Variants in DISC1 observed in about 807,000 individuals in gnomAD.
DISC1 encodes DISC1 scaffold protein, also known as disrupted in schizophrenia 1 protein.
In DISC1, 57 loss-of-function variants were observed where a neutral mutation model predicts 84.5. The ratio of observed to expected loss-of-function variants is 0.67; its 90% CI spans 0.55 to 0.84. The LOEUF (loss-of-function observed/expected upper bound fraction) is 0.84, where lower values mean the gene tolerates loss of function less well. Ranked by LOEUF, DISC1 falls within the 40% of genes least tolerant of loss-of-function variation. The probability of loss-of-function intolerance (pLI) is 0.00; values close to 1 mark genes in which losing one functional copy is unlikely to be tolerated. For synonymous variants in DISC1, 411 were observed against 415.2 expected, an observed-to-expected ratio of 0.99 and a Z score of 0.12; for missense variants, 1,000 against 1,057.8, an observed-to-expected ratio of 0.95 and a Z score of 0.76.
At chr1:231,731,631 A>T (rs1383418947) in intron 3 of DISC1, among the ~76,000 whole-genome samples, 1 of 152,220 alleles carries the variant, frequency 6.6e-6, no homozygotes, top group Non-Finnish European at 1.5e-5. Flanking sequence ...TATCAAGGTT[A>T]TGTTAATTTT....
In DISC1 at chr1:231,694,040, G is replaced by C; in HGVS notation, c.282G>C (p.Leu94Phe). The stretch of plus-strand genomic sequence containing the variant: ...GTGGCCTTGACTCGAGAGGCCTCTT[G>C]GTCCGGAGCCCTGTTTCCAAGAGTG... ...RQCGLDSRGLLVRSPVSKSAA... is the reference protein window; with the variant it reads ...RQCGLDSRGLFVRSPVSKSAA... The change falls in exon 2 of 13, where the codon TTG becomes TTC. Residue 94 changes from leucine (L) to phenylalanine (F), a missense_variant. Leu to Phe is a conservative substitution (Grantham distance 22). Around this residue, in one of 3 missense-constraint regions of DISC1, gnomAD observed 292 missense variants for 280.2 expected, o/e 1.04. Coordinates refer to ENST00000439617, the MANE Select transcript of DISC1 (RefSeq NM_018662.3). 1 of 1,614,186 alleles carries C rather than the reference G, an allele frequency of 6.2e-7. No homozygotes were observed. Among genetic ancestry groups the C allele is most frequent in the Non-Finnish European group, 8.5e-7 (1 of 1,180,030 alleles).
Position 231,694,444 on chromosome 1 carries a change from G to A in DISC1, c.686G>A (p.Cys229Tyr), listed in dbSNP as rs1163357667. Residue 229 changes from cysteine (C) to tyrosine (Y), a missense_variant, in exon 2 of 13, where the codon TGC (cysteine) becomes TAC (tyrosine). By Grantham distance (194) the Cys-to-Tyr change is radical (BLOSUM62 -2). This residue lies in a region of DISC1 where 311 missense variants were observed against 400.1 expected (regional missense o/e 0.78). Coordinates refer to ENST00000439617, the MANE Select transcript of DISC1 (RefSeq NM_018662.3). ...SAGERGEAEG[C>Y]PPSREAESHC... ...GGGGAACGTGGAGAAGCAGAAGGCT[G>A]CCCACCATCCAGAGAGGCTGAGTCC... is the stretch of plus-strand genomic sequence containing the variant. 1 of 1,614,140 alleles carries A rather than the reference G, an allele frequency of 6.2e-7. No individual in the cohort carries two copies. Among genetic ancestry groups the A allele is most frequent in the Non-Finnish European group, 8.5e-7 (1 of 1,180,054 alleles).
intron 4 of DISC1, among the ~76,000 whole-genome samples, chr1:231,760,932 G>A (rs929880892): frequency 1.3e-5 from 2 of 152,188 alleles, no homozygotes; most frequent in Non-Finnish European, 2.9e-5. Context: ...ACACCTAGAC[G>A]ATTTCTTCAT....
At chr1:231,635,279 A>G (rs963429802) in intron 1 of DISC1, among the ~76,000 whole-genome samples, 6 of 151,842 alleles carry the variant, frequency 4.0e-5, no homozygotes, top group African/African-American at 1.5e-4. Context: ...CAAGCTTTCC[A>G]TACACTGGCC....
intron 10 of DISC1, among the ~76,000 whole-genome samples, chr1:231,996,151 G>A (rs2102941171): frequency 1.3e-5 from 2 of 152,294 alleles, no homozygotes; most frequent in African/African-American, 4.8e-5. Flanking sequence ...TTTGAGAAGT[G>A]TCTGTTCATA....
At position 231,887,783 on chromosome 1, in the gene DISC1, T is replaced by G. The variant is rs114418088; in HGVS notation, c.1981+69266T>G. On this transcript the variant is annotated intron_variant, in intron 9 of 12. Coordinates refer to ENST00000439617, the MANE Select transcript of DISC1 (RefSeq NM_018662.3). ...AATTGGTTCAAGGAAGTGGGGAAAA[T>G]AAAGCAAGGATTGACAACTACTATT... 5.6e-3 allele frequency among the ~76,000 whole-genome samples: 858 copies of G among 152,352 alleles called. 11 individuals carry two copies. Among genetic ancestry groups the G allele is most frequent in the African/African-American group, 0.019 (802 of 41,592 alleles).
At chr1:231,756,902 A>AAATT (rs2075197812) in intron 4 of DISC1, among the ~76,000 whole-genome samples, 1 of 152,194 alleles carries the variant, frequency 6.6e-6, no homozygotes, top group Non-Finnish European at 1.5e-5. Context: ...ACAATTACCT[A>AAATT]GTTGCTAAAA....
intron 1 of DISC1, among the ~76,000 whole-genome samples, chr1:231,670,390 G>A (rs2062489211): frequency 2.0e-5 from 3 of 152,194 alleles, no homozygotes; most frequent in Admixed American, 6.5e-5. Context: ...AGCAAAATGT[G>A]TGCAACAGGT....
intron 1 of DISC1, among the ~76,000 whole-genome samples, chr1:231,667,223 A>G (rs1039838480): frequency 6.6e-6 from 1 of 152,212 alleles, no homozygotes; most frequent in Admixed American, 6.5e-5. Context: ...AGTTTGGATA[A>G]ATCTGGGGCA....
At chr1:231,844,002 A>T (rs758344745) in intron 9 of DISC1, among the ~76,000 whole-genome samples, 7 of 152,204 alleles carry the variant, frequency 4.6e-5, no homozygotes, top group Non-Finnish European at 1.0e-4. Context: ...GCAAAGGAGT[A>T]TCCTAAAGAA....
At position 231,785,257 on chromosome 1, in the gene DISC1, TTTTATTTATTTA is replaced by T. The variant is rs71573142; in HGVS notation, c.1635-9956_1635-9945del. 5.4e-3 allele frequency among the ~76,000 whole-genome samples: 563 copies of T among 104,896 alleles called. 2 individuals carry two copies. Among genetic ancestry groups the T allele is most frequent in the African/African-American group, 7.3e-3 (229 of 31,182 alleles). The allele number at this position is 104,896 out of a possible 152,430, so 68.8% of individuals were successfully genotyped here. A position where few individuals can be genotyped will look rare whatever the true frequency, so the allele number is the denominator to read the frequency against. Reference sequence around the variant, plus strand: ...TGTGTGTGTGTGTGTGTGTGTGTTATTTTATTTATTTATTTATTTATTTATTTATTTATTTAT... The same window carrying T: ...TGTGTGTGTGTGTGTGTGTGTGTTATTTTATTTATTTATTTATTTATTTAT... On this transcript the variant is annotated intron_variant, in intron 6 of 12. Coordinates refer to ENST00000439617, the MANE Select transcript of DISC1 (RefSeq NM_018662.3).
chr1:231,780,237 T>TAAA lies in DISC1; in HGVS notation c.1634+9179_1634+9181dup, dbSNP rs11451092. ...ATGTACCCTAAAACTTAAAGTATAA[T>TAAA]AAAAAAAAAAAAAAGAAAAGGAAAG... is the stretch of plus-strand genomic sequence containing the variant. On this transcript the variant is annotated intron_variant, in intron 6 of 12. Coordinates refer to ENST00000439617, the MANE Select transcript of DISC1 (RefSeq NM_018662.3). Among the ~76,000 whole-genome samples, 698 of 103,926 alleles carry TAAA rather than the reference T, an allele frequency of 6.7e-3. 8 individuals carry two copies. Among genetic ancestry groups the TAAA allele is most frequent in the African/African-American group, 0.019 (600 of 31,314 alleles). The allele number at this position is 103,926 out of a possible 152,430, so 68.2% of individuals were successfully genotyped here.
chr1:231,889,012 G>T lies in DISC1; in HGVS notation c.1982-69816G>T, dbSNP rs553358904. Among the ~76,000 whole-genome samples, 3 of 152,288 alleles carry T rather than the reference G, an allele frequency of 2.0e-5. No individual in the cohort carries two copies. The East Asian group carries it at 5.8e-4, about 29-fold the overall frequency. On this transcript the variant is annotated intron_variant, in intron 9 of 12. Coordinates refer to ENST00000439617, the MANE Select transcript of DISC1 (RefSeq NM_018662.3). ...CCCTGCATCTCTGAATGGGAGACAT[G>T]TTTCCACCTTGGCTCCTGGGGGCAC...
At chr1:231,687,541 G>A (rs1382624532) in intron 1 of DISC1, among the ~76,000 whole-genome samples, 1 of 152,160 alleles carries the variant, frequency 6.6e-6, no homozygotes, top group Non-Finnish European at 1.5e-5. Context: ...AATTATAGGA[G>A]TACAATTCAA....
chr1:231,855,427 A>T, intron 9 of DISC1: 1 of 985,232 alleles, frequency 1.0e-6, no homozygotes, highest in Non-Finnish European at 1.2e-6. Flanking sequence ...TCCCCATTTG[A>T]TGCAAGCAGT....
intron 3 of DISC1, chr1:231,745,488 C>A: frequency 4.3e-6 from 1 of 232,252 alleles, no homozygotes; most frequent in South Asian, 4.2e-5. Flanking sequence ...TCCCAAAGTG[C>A]TGGGATTACA....
At chr1:231,925,424 G>A (rs564921921) in intron 9 of DISC1, among the ~76,000 whole-genome samples, 39 of 152,298 alleles carry the variant, frequency 2.6e-4, no homozygotes, top group Admixed American at 2.6e-3. Context: ...AGAGAGTCAA[G>A]TGCAGCTGAA....
In DISC1 at chr1:231,954,057, T is replaced by C. The variant is rs991903795; in HGVS notation, c.1982-4771T>C. On this transcript the variant is annotated intron_variant, in intron 9 of 12. Transcript: ENST00000439617. This position sits in a 1 kb window ranked among gnomAD's most constrained non-coding sequence, Gnocchi z 4.8. ...ATTCTCCTACCTTCCGTGTTGACATTCTTCTACCTTCCAACTTCCGTGTTT... is the reference window on the plus strand; with the variant it reads ...ATTCTCCTACCTTCCGTGTTGACATCCTTCTACCTTCCAACTTCCGTGTTT... Among the ~76,000 whole-genome samples the C allele has an allele frequency of 6.6e-6, 1 of 152,210 alleles. No individual in the cohort carries two copies. The highest frequency in any genetic ancestry group is 2.4e-5 in the African/African-American group (1 of 41,448).
At chr1:231,674,481 T>A (rs1031015320) in intron 1 of DISC1, among the ~76,000 whole-genome samples, 2 of 152,260 alleles carry the variant, frequency 1.3e-5, no homozygotes, top group Non-Finnish European at 2.9e-5. Context: ...CTTTGGAGTT[T>A]ACAATGTATT....
Sources: gnomAD v4.1 joint callset for allele counts (sites outside exome capture counted in the v4.1 genomes callset) on GRCh38, gnomAD v4.1.1 for gene constraint, gnomAD v4.1.1 regional missense constraint, Gnocchi (gnomAD v3.1) non-coding constraint, MANE v1.5 for transcripts, NCBI Gene and HGNC (gene_info 2026-07-23, HGNC 2026-07-21) for gene names.